SNTG1: variants seen among roughly 807,000 people sequenced by gnomAD.
SNTG1 encodes the protein syntrophin gamma 1.
A neutral mutation model predicts 74.7 loss-of-function variants in SNTG1; 39 were observed. The ratio of observed to expected loss-of-function variants is 0.52; its 90% CI spans 0.40 to 0.68. The LOEUF is 0.68. Among genes scored for constraint, SNTG1 ranks in the 30% least tolerant of loss-of-function variants. The probability of loss-of-function intolerance (pLI) is 0.00; values close to 1 mark genes in which losing one functional copy is unlikely to be tolerated. For synonymous variants in SNTG1, 254 were observed against 217.1 expected (o/e 1.17, Z -1.49); for missense variants, 685 against 609.5 (o/e 1.12, Z -1.30).
intron 17 of SNTG1, among the ~76,000 whole-genome samples, chr8:50,726,767 T>G (rs1305731495): frequency 2.6e-5 from 4 of 152,014 alleles, no homozygotes; most frequent in Non-Finnish European, 4.4e-5. Context: ...GAGAAAGGCG[T>G]GAAACCAGGA....
chr8:50,282,121 T>C (rs1305820593), intron 2 of SNTG1, among the ~76,000 whole-genome samples: 1 of 151,986 alleles, frequency 6.6e-6, no homozygotes, highest in African/African-American at 2.4e-5. Flanking sequence ...AACCATAAGA[T>C]AAACCCCTTC....
At chr8:50,691,670 C>A (rs926608260) in intron 15 of SNTG1, among the ~76,000 whole-genome samples, 1 of 152,148 alleles carries the variant, frequency 6.6e-6, no homozygotes, top group Non-Finnish European at 1.5e-5. Context: ...TTCTCTCTGG[C>A]TGCCCTTAAC....
At chr8:50,127,035 A>C (rs1045797531) in intron 1 of SNTG1, among the ~76,000 whole-genome samples, 6 of 152,164 alleles carry the variant, frequency 3.9e-5, no homozygotes, top group African/African-American at 1.4e-4. Flanking sequence ...AAAAATATAA[A>C]GTCTCCTGGT....
intron 1 of SNTG1, among the ~76,000 whole-genome samples, chr8:50,134,181 A>G (rs2081400212): frequency 6.6e-6 from 1 of 152,144 alleles, no homozygotes; most frequent in Non-Finnish European, 1.5e-5. Flanking sequence ...GCTGTCAGAA[A>G]GGAAGAGATC....
chr8:50,486,533 G>A (rs1319202343), intron 8 of SNTG1, among the ~76,000 whole-genome samples: 1 of 129,112 alleles, frequency 7.7e-6, no homozygotes, highest in Non-Finnish European at 1.7e-5. Context: ...TTGCTTATCA[G>A]CTTCAGGAGA....
chr8:50,183,913 T>A (rs1338514950), intron 2 of SNTG1, among the ~76,000 whole-genome samples: 1 of 152,170 alleles, frequency 6.6e-6, no homozygotes, highest in East Asian at 1.9e-4. Context: ...ATAAAAAAAT[T>A]ACTTATCTAT....
In SNTG1 at chr8:50,337,547, G is replaced by T. The variant is rs548013142; in HGVS notation, c.-27-56665G>T. On this transcript the variant is annotated intron_variant, in intron 2 of 18. Coordinates refer to ENST00000642720, the MANE Select transcript of SNTG1 (RefSeq NM_018967.5). ...GAGCATTCTGTTCTGTTTAACAAAG[G>T]TCTCCCCTCAAGAAAAACCTAGTTT... 3.9e-5 allele frequency among the ~76,000 whole-genome samples: 6 copies of T among 152,220 alleles called. No homozygotes were observed. The East Asian group carries it at 1.2e-3, about 30-fold the overall frequency.
chr8:50,144,013 G>A (rs145461512), intron 1 of SNTG1, among the ~76,000 whole-genome samples: 1 of 152,288 alleles, frequency 6.6e-6, no homozygotes, highest in East Asian at 1.9e-4. Flanking sequence ...CATGAATCCT[G>A]GAGAGCAGGA....
intron 1 of SNTG1, among the ~76,000 whole-genome samples, chr8:49,952,530 A>G (rs1458532609): frequency 6.6e-6 from 1 of 152,198 alleles, no homozygotes; most frequent in African/African-American, 2.4e-5. Context: ...AGAAGATGCT[A>G]GCATAGAATA....
chr8:50,069,356 A>G (rs929562247), intron 1 of SNTG1, among the ~76,000 whole-genome samples: 1 of 152,180 alleles, frequency 6.6e-6, no homozygotes, highest in Non-Finnish European at 1.5e-5. Context: ...CTATTCTAGA[A>G]TGCTGGTTGA....
At chr8:50,568,441 C>T (rs2094528677) in intron 12 of SNTG1, among the ~76,000 whole-genome samples, 1 of 152,072 alleles carries the variant, frequency 6.6e-6, no homozygotes, top group Non-Finnish European at 1.5e-5. Flanking sequence ...AGTGGCTGTA[C>T]ACTCCCACCA....
chr8:50,685,418 A>C (rs2095348380), intron 15 of SNTG1, among the ~76,000 whole-genome samples: 1 of 151,928 alleles, frequency 6.6e-6, no homozygotes, highest in African/African-American at 2.4e-5. Flanking sequence ...TAAAATTGCT[A>C]ATCTTTGAAT....
At position 50,381,922 on chromosome 8, in the gene SNTG1, G is replaced by A. The variant is rs2092494879; in HGVS notation, c.-27-12290G>A. On this transcript the variant is annotated intron_variant, in intron 2 of 18. Transcript: ENST00000642720. ...CCACAATAGGCTGTCTGCAAACTGA[G>A]GATTAAAGAAACCAGTCTGAGTCCC... is the stretch of plus-strand genomic sequence containing the variant. 2.0e-5 allele frequency: 3 copies of A among 149,708 alleles called. No individual in the cohort carries two copies. In the Middle Eastern group the frequency reaches 0.01, roughly 523 times the overall value. 9.3% of individuals were successfully genotyped at this position (149,708 alleles called of 1,614,324 possible).
chr8:49,983,068 A>T (rs573923061), intron 1 of SNTG1, among the ~76,000 whole-genome samples: 24 of 152,182 alleles, frequency 1.6e-4, no homozygotes, highest in Non-Finnish European at 2.4e-4. Flanking sequence ...TACCCAAAGG[A>T]TGCTTCAGGA....
At chr8:50,069,144 T>G (rs1183384415) in intron 1 of SNTG1, among the ~76,000 whole-genome samples, 1 of 152,172 alleles carries the variant, frequency 6.6e-6, no homozygotes, top group Non-Finnish European at 1.5e-5. Context: ...GGAAAATGTA[T>G]ATAAATTAAG....
chr8:50,420,466 A>G (rs1462884880), intron 4 of SNTG1, among the ~76,000 whole-genome samples: 1 of 152,170 alleles, frequency 6.6e-6, no homozygotes, highest in African/African-American at 2.4e-5. Context: ...AAGACATCAT[A>G]AGATATAAGA....
At chr8:50,515,250 A>C (rs1330830102) in intron 9 of SNTG1, among the ~76,000 whole-genome samples, 2 of 151,750 alleles carry the variant, frequency 1.3e-5, no homozygotes, top group African/African-American at 4.9e-5. Context: ...TTGCATATAA[A>C]AGTTATGCTT....
At chr8:49,941,221 A>G (rs1273278766) in intron 1 of SNTG1, among the ~76,000 whole-genome samples, 1 of 151,546 alleles carries the variant, frequency 6.6e-6, no homozygotes, top group Non-Finnish European at 1.5e-5. Flanking sequence ...GAATATAACA[A>G]CTCCAGCCTC....
At chr8:50,364,249 G>A (rs1479558840) in intron 2 of SNTG1, among the ~76,000 whole-genome samples, 1 of 152,152 alleles carries the variant, frequency 6.6e-6, no homozygotes, top group Non-Finnish European at 1.5e-5. Flanking sequence ...TTTTCTGAAA[G>A]CCACTGCAAT....
Sources: gnomAD v4.1 joint callset for allele counts (sites outside exome capture counted in the v4.1 genomes callset) on GRCh38, gnomAD v4.1.1 for gene constraint, MANE v1.5 for transcripts, NCBI Gene and HGNC (gene_info 2026-07-23, HGNC 2026-07-21) for gene names.